The following VMP1 variants were observed in gnomAD, a reference collection of about 807,000 sequenced individuals.
The protein encoded by VMP1 is ectopic P-granules autophagy protein 3 homolog.
Under a neutral mutation model 56.0 loss-of-function variants are expected in VMP1, and 11 were observed. The observed-to-expected ratio is 0.20, with a 90% confidence interval of 0.12 to 0.32. VMP1 has a LOEUF of 0.32. Ranked by LOEUF, VMP1 falls within the 10% of genes least tolerant of loss-of-function variation. The pLI is 1.00. For missense variants in VMP1, 296 were observed against 490.3 expected, an observed-to-expected ratio of 0.60 and a Z score of 3.74; for synonymous variants, 149 against 165.0, an observed-to-expected ratio of 0.90 and a Z score of 0.74.
At chr17:59,791,362 T>A (rs1460431361) in intron 7 of VMP1, among the ~76,000 whole-genome samples, 1 of 151,940 alleles carries the variant, frequency 6.6e-6, no homozygotes, top group Admixed American at 6.6e-5. Context: ...CTAATTTTTT[T>A]ATATTTTTAG....
chr17:59,840,180 GTTTGTT>G lies in VMP1; in HGVS notation c.*270_*275del, dbSNP rs1306343789. 1 of 377,424 alleles carries G rather than the reference GTTTGTT, an allele frequency of 2.6e-6. No individual in the cohort carries two copies. Among genetic ancestry groups the G allele is most frequent in the Non-Finnish European group, 4.7e-6 (1 of 210,876 alleles). 23.4% of individuals were successfully genotyped at this position (377,424 alleles called of 1,614,324 possible). On this transcript the variant is annotated 3_prime_UTR_variant, in exon 12 of 12. Coordinates refer to ENST00000262291, the MANE Select transcript of VMP1 (RefSeq NM_030938.5). Reference sequence around the variant, plus strand: ...CAAACTTGCAACAGACTGGCCTTCTGTTTGTTACTTTCAAAAGGCCCACATGATACA... The same window carrying G: ...CAAACTTGCAACAGACTGGCCTTCTGACTTTCAAAAGGCCCACATGATACA...
chr17:59,826,648 AT>A (rs1206715582), intron 10 of VMP1, among the ~76,000 whole-genome samples: 1 of 152,226 alleles, frequency 6.6e-6, no homozygotes, highest in Non-Finnish European at 1.5e-5. Context: ...ATAAATATTC[AT>A]TTCATATCCA....
chr17:59,805,558 A>G (rs532022767), intron 7 of VMP1, among the ~76,000 whole-genome samples: 26 of 152,052 alleles, frequency 1.7e-4, no homozygotes, highest in Non-Finnish European at 3.4e-4. Flanking sequence ...AAATGCCATC[A>G]GTTTGAAATG....
At chr17:59,722,247 A>G (rs1052070164) in intron 1 of VMP1, among the ~76,000 whole-genome samples, 39 of 152,158 alleles carry the variant, frequency 2.6e-4, no homozygotes, top group Non-Finnish European at 1.6e-4. Flanking sequence ...TATAAACAAA[A>G]TACTATTTGG....
chr17:59,784,443 A>T (rs958751566), intron 7 of VMP1, among the ~76,000 whole-genome samples: 5 of 151,870 alleles, frequency 3.3e-5, no homozygotes, highest in African/African-American at 1.2e-4. Flanking sequence ...ACTCCTCTCA[A>T]ATTGTCTCTG....
intron 7 of VMP1, among the ~76,000 whole-genome samples, chr17:59,787,832 T>G (rs2037059558): frequency 6.6e-6 from 1 of 151,974 alleles, no homozygotes; most frequent in Non-Finnish European, 1.5e-5. Context: ...AAATAATTAA[T>G]TAATTAGTTA....
At chr17:59,715,843 T>C (rs897752810) in intron 1 of VMP1, among the ~76,000 whole-genome samples, 3 of 152,208 alleles carry the variant, frequency 2.0e-5, no homozygotes, top group Non-Finnish European at 1.5e-5. Context: ...GTGGAAAGTA[T>C]TAGTTTTGAT....
intron 4 of VMP1, 35 bp from the exon 5 acceptor site, chr17:59,738,802 G>A: frequency 7.0e-7 from 1 of 1,423,098 alleles, no homozygotes; most frequent in Non-Finnish European, 9.9e-7. Flanking sequence ...TCTGTATAGA[G>A]AATTCACGGT....
chr17:59,758,635 G>A (rs1343169676), intron 5 of VMP1, among the ~76,000 whole-genome samples: 1 of 151,852 alleles, frequency 6.6e-6, no homozygotes, highest in Non-Finnish European at 1.5e-5. Flanking sequence ...GACTAGCCTG[G>A]GCAACATAGG....
chr17:59,786,508 T>C (rs1220346251), intron 7 of VMP1, among the ~76,000 whole-genome samples: 1 of 151,480 alleles, frequency 6.6e-6, no homozygotes, highest in Non-Finnish European at 1.5e-5. Flanking sequence ...ACAGGACACA[T>C]TTTCATACAC....
intron 7 of VMP1, among the ~76,000 whole-genome samples, chr17:59,784,611 G>C (rs1173966112): frequency 6.6e-6 from 1 of 152,150 alleles, no homozygotes. Context: ...CCTGCCTACT[G>C]TTACACATAC....
intron 7 of VMP1, among the ~76,000 whole-genome samples, chr17:59,805,192 T>C (rs2144194269): frequency 6.6e-6 from 1 of 152,364 alleles, no homozygotes; most frequent in Non-Finnish European, 1.5e-5. Flanking sequence ...AAAAAGATTG[T>C]TGAAGCTCCC....
chr17:59,823,613 G>A (rs1449871141), intron 10 of VMP1, among the ~76,000 whole-genome samples: 2 of 151,678 alleles, frequency 1.3e-5, no homozygotes, highest in South Asian at 4.2e-4. Context: ...TTAGCCGGGT[G>A]TGGTGGACGG....
At chr17:59,776,029 A>G (rs1266479536) in intron 7 of VMP1, among the ~76,000 whole-genome samples, 1 of 152,130 alleles carries the variant, frequency 6.6e-6, no homozygotes, top group Non-Finnish European at 1.5e-5. Context: ...CCTGGGCAAC[A>G]TGGCAAGATC....
chr17:59,795,059 G>A (rs1469411205), intron 7 of VMP1, among the ~76,000 whole-genome samples: 3 of 146,722 alleles, frequency 2.0e-5, no homozygotes, highest in Admixed American at 7.0e-5. Context: ...ATGTAATGGC[G>A]TGATCTTGGC....
intron 7 of VMP1, among the ~76,000 whole-genome samples, chr17:59,784,100 A>AGTGTGTGTGT (rs536985526): frequency 1.3e-4 from 18 of 139,188 alleles, no homozygotes; most frequent in South Asian, 4.8e-4. Context: ...CATCAAAAAG[A>AGTGTGTGTGT]GTGTGTGTGT....
At chr17:59,824,872 CAAA>C (rs1204824277) in intron 10 of VMP1, among the ~76,000 whole-genome samples, 1 of 62,990 alleles carries the variant, frequency 1.6e-5, no homozygotes, top group Non-Finnish European at 3.0e-5. Context: ...GACTCCGTCT[CAAA>C]AAAAAAAAAA....
intron 7 of VMP1, among the ~76,000 whole-genome samples, chr17:59,799,519 T>C (rs1246194425): frequency 6.6e-6 from 1 of 152,192 alleles, no homozygotes; most frequent in Non-Finnish European, 1.5e-5. Flanking sequence ...TTAAAATTTA[T>C]TAACTATTTT....
At chr17:59,761,537 G>A (rs1174885731) in intron 5 of VMP1, among the ~76,000 whole-genome samples, 4 of 152,178 alleles carry the variant, frequency 2.6e-5, no homozygotes, top group Admixed American at 2.6e-4. Flanking sequence ...GTTAGGGTCA[G>A]ACTAGAGTAG....
Sources: gnomAD v4.1 joint callset for allele counts (sites outside exome capture counted in the v4.1 genomes callset) on GRCh38, gnomAD v4.1.1 for gene constraint, MANE v1.5 for transcripts, NCBI Gene and HGNC (gene_info 2026-07-23, HGNC 2026-07-21) for gene names.